The following MAML3 variants were observed in gnomAD, a reference collection of about 807,000 sequenced individuals.
MAML3 encodes mastermind-like protein 3.
MAML3 carries 27 observed loss-of-function variants against 101.9 expected under a neutral mutation model. The observed-to-expected ratio is 0.27, with a 90% CI of 0.20 to 0.37. The LOEUF (loss-of-function observed/expected upper bound fraction) is 0.37, where lower values mean the gene tolerates loss of function less well. Among genes scored for constraint, MAML3 ranks in the 10% least tolerant of loss-of-function variants. The pLI is 1.00. For missense variants in MAML3, 1,316 were observed against 1,444.9 expected (o/e 0.91, Z 1.45); for synonymous variants, 501 against 555.9 (o/e 0.90, Z 1.39).
intron 1 of MAML3, among the ~76,000 whole-genome samples, chr4:140,058,087 T>C (rs951693825): frequency 3.3e-5 from 5 of 152,190 alleles, no homozygotes; most frequent in African/African-American, 1.2e-4. Context: ...GGAATGTAGA[T>C]TACTGAAGAA....
chr4:139,720,050 G>A lies in MAML3; in HGVS notation c.2690C>T (p.Ala897Val), dbSNP rs1458910037. The change falls in exon 5 of 5, where the codon GCC (alanine) becomes GTC (valine). Residue 897 changes from alanine (A) to valine (V), a missense_variant. Transcript: ENST00000509479. ...AGAGGCAGGTTGCCTCGGTCCCTGGGCTTGGTTATGTGTGATGCTCATGCC... is the reference window on the plus strand; with the variant it reads ...AGAGGCAGGTTGCCTCGGTCCCTGGACTTGGTTATGTGTGATGCTCATGCC... ...QSGMSITHNQ[A>V]QGPRQPASGQ... is the part of the protein sequence containing the mutation. The A allele has an allele frequency of 6.2e-7, 1 of 1,614,078 alleles. No individual in the cohort carries two copies. Among genetic ancestry groups the A allele is most frequent in the Non-Finnish European group, 8.5e-7 (1 of 1,179,906 alleles).
rs756947990 is a variant in MAML3, at chr4:140,050,783, CAT to C, written c.468+102075_468+102076del. ...GATTCTATACAAAAGAGGCAGAAAA[CAT>C]AGTCTGAGAAGAGCCCACACCTCCT... is the stretch of plus-strand genomic sequence containing the variant. On this transcript the variant is annotated intron_variant, in intron 1 of 4. Transcript: ENST00000509479. Among the ~76,000 whole-genome samples, 166 of 152,286 alleles carry C rather than the reference CAT, an allele frequency of 1.1e-3. 1 individual carries two copies. The highest frequency in any genetic ancestry group is 1.2e-3 in the Non-Finnish European group (85 of 68,026).
At chr4:139,916,649 T>C (rs989539715) in intron 1 of MAML3, among the ~76,000 whole-genome samples, 1 of 152,114 alleles carries the variant, frequency 6.6e-6, no homozygotes, top group Non-Finnish European at 1.5e-5. Flanking sequence ...ATTGCAAGAG[T>C]TGTAAAAATT....
chr4:140,036,238 A>G (rs1048283045), intron 1 of MAML3, among the ~76,000 whole-genome samples: 2 of 152,240 alleles, frequency 1.3e-5, no homozygotes, highest in Admixed American at 1.3e-4. Context: ...CCAAGGGAAC[A>G]TCTACCAATG....
chr4:139,994,563 G>C (rs1000565554), intron 1 of MAML3, among the ~76,000 whole-genome samples: 3 of 152,152 alleles, frequency 2.0e-5, no homozygotes, highest in African/African-American at 7.2e-5. Flanking sequence ...GGAAGGCTGA[G>C]GTGGGAGGAT....
chr4:139,758,306 C>T (rs1188272263), intron 2 of MAML3, among the ~76,000 whole-genome samples: 1 of 152,190 alleles, frequency 6.6e-6, no homozygotes, highest in Non-Finnish European at 1.5e-5. Flanking sequence ...CCTTCCTACT[C>T]AGCAGATGTG....
intron 2 of MAML3, among the ~76,000 whole-genome samples, chr4:139,788,448 G>T (rs1730345207): frequency 2.0e-5 from 3 of 152,146 alleles, no homozygotes; most frequent in African/African-American, 7.2e-5. Flanking sequence ...CCTGTCTCCA[G>T]TTCTTTTCTC....
chr4:139,977,152 C>A (rs1037750946), intron 1 of MAML3, among the ~76,000 whole-genome samples: 1 of 152,152 alleles, frequency 6.6e-6, no homozygotes, highest in East Asian at 1.9e-4. Context: ...CAGGCCCTCA[C>A]CAGACACTGA....
At chr4:140,054,130 G>C (rs1411948708) in intron 1 of MAML3, among the ~76,000 whole-genome samples, 1 of 152,178 alleles carries the variant, frequency 6.6e-6, no homozygotes, top group East Asian at 1.9e-4. Context: ...AGCACTTTGG[G>C]AGGCCGGAAC....
At chr4:140,152,341 C>G (rs558942704) in intron 1 of MAML3, among the ~76,000 whole-genome samples, 43 of 152,336 alleles carry the variant, frequency 2.8e-4, no homozygotes, top group Non-Finnish European at 4.7e-4. Context: ...CCGCTTCCCC[C>G]CTAGGGGTTG....
chr4:140,077,785 C>T lies in MAML3; in HGVS notation c.468+75075G>A, dbSNP rs555427352. On this transcript the variant is annotated intron_variant, in intron 1 of 4. Coordinates refer to ENST00000509479, the MANE Select transcript of MAML3 (RefSeq NM_018717.5). The stretch of plus-strand genomic sequence containing the variant: ...CTGTAATCCCAGCACTTTGGAAGGC[C>T]GAGGTGGGCGGATCATGAGGTCAGG... Among the ~76,000 whole-genome samples, 5 of 152,070 alleles carry T rather than the reference C, an allele frequency of 3.3e-5. No homozygotes were observed. In the South Asian group the frequency reaches 8.3e-4, roughly 25 times the overall value.
chr4:139,751,885 T>C (rs775178571), intron 2 of MAML3, among the ~76,000 whole-genome samples: 1 of 152,222 alleles, frequency 6.6e-6, no homozygotes, highest in Non-Finnish European at 1.5e-5. Flanking sequence ...GGTTACAGTA[T>C]AGCTCCTTTT....
intron 2 of MAML3, among the ~76,000 whole-genome samples, chr4:139,823,687 A>T (rs938603540): frequency 6.6e-6 from 1 of 150,856 alleles, no homozygotes; most frequent in Non-Finnish European, 1.5e-5. Context: ...CATAGCACTT[A>T]TAACTGTCTA....
At chr4:139,932,477 T>G (rs551965293) in intron 1 of MAML3, among the ~76,000 whole-genome samples, 1 of 152,328 alleles carries the variant, frequency 6.6e-6, no homozygotes, top group East Asian at 1.9e-4. Context: ...TTATTTGCAA[T>G]TAGCATATTG....
chr4:140,039,391 C>T (rs1727043810), intron 1 of MAML3, among the ~76,000 whole-genome samples: 1 of 152,184 alleles, frequency 6.6e-6, no homozygotes, highest in Non-Finnish European at 1.5e-5. Flanking sequence ...CCACAGCCCA[C>T]AGCCATGGAA....
chr4:139,870,363 C>T (rs1450333154), intron 2 of MAML3, among the ~76,000 whole-genome samples: 1 of 152,154 alleles, frequency 6.6e-6, no homozygotes, highest in Non-Finnish European at 1.5e-5. Context: ...GCCAAATGTC[C>T]AGTTGGTGAT....
intron 1 of MAML3, among the ~76,000 whole-genome samples, chr4:140,021,004 C>T (rs1259381311): frequency 6.6e-6 from 1 of 152,146 alleles, no homozygotes; most frequent in Non-Finnish European, 1.5e-5. Flanking sequence ...TAGATGACAT[C>T]CGATCCAGAG....
intron 1 of MAML3, among the ~76,000 whole-genome samples, chr4:140,130,260 T>G (rs189540048): frequency 6.8e-4 from 103 of 152,336 alleles, no homozygotes; most frequent in African/African-American, 2.4e-3. Context: ...ACATGAACCC[T>G]TAGAATTGAA....
intron 2 of MAML3, among the ~76,000 whole-genome samples, chr4:139,786,113 T>C (rs1162381511): frequency 1.3e-5 from 2 of 151,900 alleles, no homozygotes; most frequent in South Asian, 2.1e-4. Context: ...GACACAGACA[T>C]AGAAGGGTGA....
Sources: gnomAD v4.1 joint callset for allele counts (sites outside exome capture counted in the v4.1 genomes callset) on GRCh38, gnomAD v4.1.1 for gene constraint, MANE v1.5 for transcripts, NCBI Gene and HGNC (gene_info 2026-07-23, HGNC 2026-07-21) for gene names.